Variants in EIPR1 observed in about 807,000 individuals in gnomAD.
The protein encoded by EIPR1 is EARP complex and GARP complex interacting protein 1, also known as EARP and GARP complex-interacting protein 1.
Under a neutral mutation model 48.1 loss-of-function variants are expected in EIPR1, and 25 were observed. The ratio of observed to expected loss-of-function variants is 0.52; its 90% CI spans 0.38 to 0.73. The LOEUF (loss-of-function observed/expected upper bound fraction) is 0.73, where lower values mean the gene tolerates loss of function less well. EIPR1 is among the 30% of genes least tolerant of loss of function. The pLI is 0.00. For missense variants in EIPR1, 415 were observed against 506.2 expected, an observed-to-expected ratio of 0.82 and a Z score of 1.73; for synonymous variants, 204 against 201.9, an observed-to-expected ratio of 1.01 and a Z score of -0.09.
chr2:3,255,355 G>C (rs1056550423), intron 4 of EIPR1, among the ~76,000 whole-genome samples: 5 of 152,038 alleles, frequency 3.3e-5, no homozygotes, highest in South Asian at 2.1e-4. Context: ...GCTAATTTTT[G>C]TATTTTTAGC....
At chr2:3,192,877 A>C (rs906529428) in intron 7 of EIPR1, among the ~76,000 whole-genome samples, 3 of 152,250 alleles carry the variant, frequency 2.0e-5, no homozygotes, top group African/African-American at 7.2e-5. Flanking sequence ...TTCGAAAAAA[A>C]AAAAAAAATA....
At chr2:3,368,067 T>A (rs1246242555) in intron 1 of EIPR1, among the ~76,000 whole-genome samples, 1 of 151,756 alleles carries the variant, frequency 6.6e-6, no homozygotes, top group Non-Finnish European at 1.5e-5. Flanking sequence ...GAAAAGAAAA[T>A]TTAATCTCCA....
chr2:3,192,290 T>A, intron 8 of EIPR1, 124 bp downstream of exon 8: 3 of 1,190,444 alleles, frequency 2.5e-6, no homozygotes, highest in Non-Finnish European at 3.4e-6. Context: ...CTGCAGTGGG[T>A]AAGGAGAGTG....
chr2:3,367,873 C>T (rs913182541), intron 1 of EIPR1, among the ~76,000 whole-genome samples: 3 of 151,772 alleles, frequency 2.0e-5, no homozygotes, highest in Non-Finnish European at 2.9e-5. Flanking sequence ...ACCCTGAAAC[C>T]CCCTCTCTAA....
intron 4 of EIPR1, among the ~76,000 whole-genome samples, chr2:3,237,570 C>T (rs1451060558): frequency 2.6e-5 from 4 of 152,164 alleles, no homozygotes; most frequent in Non-Finnish European, 2.9e-5. Context: ...TTCAGGGGTC[C>T]GCTAGGGTCT....
At chr2:3,321,387 C>T (rs1008062946) in intron 3 of EIPR1, among the ~76,000 whole-genome samples, 2 of 152,152 alleles carry the variant, frequency 1.3e-5, no homozygotes, top group African/African-American at 2.4e-5. Flanking sequence ...TGCAGCAGAG[C>T]GTCCTCTGCC....
At chr2:3,265,776 A>G (rs1038002375) in intron 3 of EIPR1, among the ~76,000 whole-genome samples, 5 of 152,256 alleles carry the variant, frequency 3.3e-5, no homozygotes, top group Non-Finnish European at 7.3e-5. Flanking sequence ...CTCCGATATC[A>G]TGCTGAATGA....
At chr2:3,336,097 C>T (rs1388136378) in intron 3 of EIPR1, among the ~76,000 whole-genome samples, 1 of 152,130 alleles carries the variant, frequency 6.6e-6, no homozygotes, top group Non-Finnish European at 1.5e-5. Flanking sequence ...CTCACAGATC[C>T]TCAGGCAGAA....
At chr2:3,348,944 A>C (rs1360418104) in intron 2 of EIPR1, among the ~76,000 whole-genome samples, 2 of 152,178 alleles carry the variant, frequency 1.3e-5, no homozygotes, top group Non-Finnish European at 1.5e-5. Context: ...TGGTCTGTGC[A>C]CATGCGCACA....
intron 1 of EIPR1, among the ~76,000 whole-genome samples, chr2:3,360,515 A>G (rs1235278629): frequency 6.6e-6 from 1 of 152,186 alleles, no homozygotes; most frequent in Admixed American, 6.5e-5. Flanking sequence ...AAGGAATTGG[A>G]AATGCTGAGA....
At chr2:3,356,799 G>C (rs1670740713) in intron 1 of EIPR1, among the ~76,000 whole-genome samples, 1 of 152,228 alleles carries the variant, frequency 6.6e-6, no homozygotes, top group African/African-American at 2.4e-5. Flanking sequence ...CAGGAGAACA[G>C]GGTCTGGAGG....
At position 3,189,688 on chromosome 2, in the gene EIPR1, G is replaced by A. The variant is rs1664534980; in HGVS notation, c.990-180C>T. Among the ~76,000 whole-genome samples, 1 of 152,174 alleles carries A rather than the reference G, an allele frequency of 6.6e-6. No homozygotes were observed. Among genetic ancestry groups the A allele is most frequent in the Non-Finnish European group, 1.5e-5 (1 of 68,036 alleles). ...CACCGAGGACGGTGGGGTGGTCCCT[G>A]CAGAAGCCCAGAAACCCTCACTGTC... is the stretch of plus-strand genomic sequence containing the variant. On this transcript the variant is annotated intron_variant, in intron 8 of 8. Coordinates refer to ENST00000382125, the MANE Select transcript of EIPR1 (RefSeq NM_003310.5). The surrounding 1 kb of genome is among the most constrained non-coding windows in gnomAD (Gnocchi z 4.6).
rs569449320 is a variant in EIPR1, at chr2:3,208,446, C to T, written c.516+5703G>A. On this transcript the variant is annotated intron_variant, in intron 5 of 8. Coordinates refer to ENST00000382125, the MANE Select transcript of EIPR1 (RefSeq NM_003310.5). The stretch of plus-strand genomic sequence containing the variant: ...CACCTTCAGACACTTCCTCTGCTTC[C>T]GTCGTTAGCTTTCCTCTTCTCATCT... The T allele has an allele frequency of 1.1e-4, 167 of 1,483,244 alleles. No homozygotes were observed. The East Asian group carries it at 1.8e-3, about 16-fold the overall frequency. 91.9% of individuals were successfully genotyped at this position (1,483,244 alleles called of 1,614,324 possible).
intron 4 of EIPR1, among the ~76,000 whole-genome samples, chr2:3,241,994 T>C (rs1666643987): frequency 6.6e-6 from 1 of 152,058 alleles, no homozygotes; most frequent in Non-Finnish European, 1.5e-5. Flanking sequence ...ATCGACTACA[T>C]TCGATGGTGT....
At chr2:3,296,958 A>C (rs1466414436) in intron 3 of EIPR1, among the ~76,000 whole-genome samples, 1 of 152,208 alleles carries the variant, frequency 6.6e-6, no homozygotes, top group African/African-American at 2.4e-5. Flanking sequence ...GTTTCCAATT[A>C]AGAGCTAATC....
At chr2:3,292,421 AG>A (rs1018789869) in intron 3 of EIPR1, among the ~76,000 whole-genome samples, 1 of 149,120 alleles carries the variant, frequency 6.7e-6, no homozygotes, top group Non-Finnish European at 1.5e-5. Context: ...ACCTCACAAC[AG>A]GCCCACATAC....
intron 2 of EIPR1, among the ~76,000 whole-genome samples, chr2:3,338,416 A>G (rs1212254413): frequency 2.0e-5 from 3 of 152,252 alleles, no homozygotes; most frequent in Non-Finnish European, 4.4e-5. Context: ...TCTTAAAGAA[A>G]TAAGGCACCA....
intron 3 of EIPR1, among the ~76,000 whole-genome samples, chr2:3,326,323 G>T (rs1669698001): frequency 6.6e-6 from 1 of 152,138 alleles, no homozygotes; most frequent in African/African-American, 2.4e-5. Context: ...ACTGGTCCGG[G>T]ATTGGAGAGC....
chr2:3,302,863 A>C (rs549187100), intron 3 of EIPR1, among the ~76,000 whole-genome samples: 6 of 152,244 alleles, frequency 3.9e-5, no homozygotes, highest in African/African-American at 1.4e-4. Flanking sequence ...GCAGAGAGGG[A>C]TCAATACTGA....
Sources: gnomAD v4.1 joint callset for allele counts (sites outside exome capture counted in the v4.1 genomes callset) on GRCh38, gnomAD v4.1.1 for gene constraint, Gnocchi (gnomAD v3.1) non-coding constraint, MANE v1.5 for transcripts, NCBI Gene and HGNC (gene_info 2026-07-23, HGNC 2026-07-21) for gene names.